Variants in PTK2 observed in about 807,000 individuals in gnomAD.
PTK2 encodes the protein protein tyrosine kinase 2, also known as focal adhesion kinase 1.
A neutral mutation model predicts 150.1 loss-of-function variants in PTK2; 45 were observed. The observed-to-expected ratio is 0.30, with a 90% confidence interval of 0.24 to 0.38. PTK2 has a LOEUF of 0.38. Ranked by LOEUF, PTK2 falls within the 10% of genes least tolerant of loss-of-function variation. The probability of loss-of-function intolerance (pLI) is 1.00; values close to 1 mark genes in which losing one functional copy is unlikely to be tolerated. For missense variants in PTK2, 919 were observed against 1,307.3 expected (o/e 0.70, Z 4.58); for synonymous variants, 432 against 449.2 (o/e 0.96, Z 0.48).
intron 4 of PTK2, among the ~76,000 whole-genome samples, chr8:140,873,680 G>A (rs1461498466): frequency 6.6e-6 from 1 of 152,102 alleles, no homozygotes; most frequent in African/African-American, 2.4e-5. Flanking sequence ...TAGTCAGGCT[G>A]GTCTCGAACT....
chr8:140,876,171 G>A (rs898737593), intron 4 of PTK2, among the ~76,000 whole-genome samples: 3 of 151,988 alleles, frequency 2.0e-5, no homozygotes, highest in Admixed American at 1.3e-4. Flanking sequence ...TGGGGCCAAT[G>A]CATATTTAGA....
chr8:140,846,719 G>T (rs1598413770), intron 5 of PTK2, 41 bp from the exon 6 acceptor site: 1 of 1,436,074 alleles, frequency 7.0e-7, no homozygotes, highest in Non-Finnish European at 9.7e-7. Context: ...TGTTTTAAAA[G>T]AAAAATATTA....
intron 12 of PTK2, among the ~76,000 whole-genome samples, chr8:140,798,604 A>C (rs191902176): frequency 5.4e-4 from 82 of 152,324 alleles, no homozygotes; most frequent in Non-Finnish European, 8.5e-4. Context: ...GAAGATGTTT[A>C]CGTTTTAAAC....
intron 1 of PTK2, among the ~76,000 whole-genome samples, chr8:140,935,500 T>G (rs1441091613): frequency 6.6e-6 from 1 of 152,102 alleles, no homozygotes; most frequent in African/African-American, 2.4e-5. Context: ...AAGAAAGTTA[T>G]TAGTACCTCG....
intron 2 of PTK2, chr8:140,892,632 T>C: frequency 2.3e-6 from 1 of 439,516 alleles, no homozygotes; most frequent in Admixed American, 2.7e-5. Flanking sequence ...ATTCTCCAAT[T>C]AGTTAAAAAA....
intron 2 of PTK2, among the ~76,000 whole-genome samples, chr8:140,914,353 A>G (rs987878435): frequency 1.1e-4 from 16 of 152,178 alleles, no homozygotes; most frequent in African/African-American, 3.6e-4. Flanking sequence ...GATGAATCTG[A>G]AATCAAAGAT....
chr8:140,966,351 T>C (rs2100185299), intron 1 of PTK2, among the ~76,000 whole-genome samples: 1 of 152,228 alleles, frequency 6.6e-6, no homozygotes. Context: ...TGCTTTATGT[T>C]TTATTCTATG....
At chr8:140,788,267 G>A (rs1360343662) in intron 14 of PTK2, among the ~76,000 whole-genome samples, 1 of 152,202 alleles carries the variant, frequency 6.6e-6, no homozygotes, top group African/African-American at 2.4e-5. Context: ...TCAAGCAGTA[G>A]TACTTTGACA....
intron 21 of PTK2, among the ~76,000 whole-genome samples, chr8:140,738,417 G>A (rs2100053789): frequency 6.6e-6 from 1 of 152,128 alleles, no homozygotes; most frequent in African/African-American, 2.4e-5. Flanking sequence ...AAGAATAAAT[G>A]AGAGCCACAC....
intron 2 of PTK2, chr8:140,921,146 C>T: frequency 8.1e-7 from 1 of 1,239,126 alleles, no homozygotes; most frequent in Non-Finnish European, 1.0e-6. Context: ...AAACACAGAC[C>T]ATCCTGGCTA....
chr8:140,661,750 A>C (rs2152556954), intron 31 of PTK2, among the ~76,000 whole-genome samples: 1 of 152,302 alleles, frequency 6.6e-6, no homozygotes, highest in Non-Finnish European at 1.5e-5. Context: ...AGGGGGTCTC[A>C]AGGGGGAGTT....
At chr8:140,668,540 A>T (rs1404275591) in intron 29 of PTK2, 116 bp from the exon 34 acceptor site, 1 of 1,230,984 alleles carries the variant, frequency 8.1e-7, no homozygotes, top group Non-Finnish European at 1.1e-6. Flanking sequence ...AAGGTCATTG[A>T]TTTTCTTGTG....
chr8:140,912,370 G>A (rs974748361), intron 2 of PTK2, among the ~76,000 whole-genome samples: 2 of 150,152 alleles, frequency 1.3e-5, no homozygotes, highest in Admixed American at 6.6e-5. Context: ...ACAGTGGCTC[G>A]TGCCTGTCAG....
At chr8:140,957,278 A>G (rs1257789557) in intron 1 of PTK2, among the ~76,000 whole-genome samples, 2 of 151,996 alleles carry the variant, frequency 1.3e-5, no homozygotes, top group African/African-American at 2.4e-5. Context: ...TACAGAAAAA[A>G]TTAGCTGGGC....
chr8:140,753,875 C>G (rs1011325042), intron 16 of PTK2, among the ~76,000 whole-genome samples: 11 of 152,190 alleles, frequency 7.2e-5, no homozygotes, highest in Non-Finnish European at 7.3e-5. Flanking sequence ...CAGTAAAGAT[C>G]TGCAGAATTA....
At chr8:140,681,636 G>T (rs1191770541) in intron 27 of PTK2, among the ~76,000 whole-genome samples, 1 of 152,032 alleles carries the variant, frequency 6.6e-6, no homozygotes, top group Non-Finnish European at 1.5e-5. Context: ...AATTAGCCGG[G>T]CGTGGTGGCG....
At chr8:140,942,015 GA>G (rs1467220602) in intron 1 of PTK2, among the ~76,000 whole-genome samples, 2 of 151,778 alleles carry the variant, frequency 1.3e-5, no homozygotes, top group African/African-American at 4.8e-5. Context: ...TCAGCCTCCC[GA>G]GTAGCTGGGA....
At chr8:140,830,180 T>C (rs563517361) in intron 8 of PTK2, among the ~76,000 whole-genome samples, 1 of 152,320 alleles carries the variant, frequency 6.6e-6, no homozygotes, top group South Asian at 2.1e-4. Context: ...CAAAATATTT[T>C]AGCCTGTGAA....
chr8:140,935,215 C>T (rs2100173198), intron 1 of PTK2, among the ~76,000 whole-genome samples: 1 of 152,150 alleles, frequency 6.6e-6, no homozygotes, highest in African/African-American at 2.4e-5. Context: ...AAAAAAGCTA[C>T]TTTACACCCA....
Sources: allele counts gnomAD v4.1 joint callset (sites outside exome capture counted in the v4.1 genomes callset), GRCh38; gene constraint gnomAD v4.1.1; transcripts MANE v1.5; gene names NCBI Gene and HGNC (gene_info 2026-07-23, HGNC 2026-07-21).